Variants in SLC5A10 observed in about 807,000 individuals in gnomAD.
SLC5A10 encodes the protein sodium/mannose cotransporter SLC5A10.
Under a neutral mutation model 68.9 loss-of-function variants are expected in SLC5A10, and 55 were observed. The ratio of observed to expected loss-of-function variants is 0.80; its 90% CI spans 0.64 to 1.00. The LOEUF is 1.00. Among genes scored for constraint, SLC5A10 ranks in the 50% least tolerant of loss-of-function variants. The pLI is 0.00. For missense variants in SLC5A10, 732 were observed against 819.3 expected (o/e 0.89, Z 1.30); for synonymous variants, 344 against 344.8 (o/e 1.00, Z 0.02).
At chr17:19,016,338 C>T (rs747978003) in intron 11 of SLC5A10, among the ~76,000 whole-genome samples, 1 of 152,144 alleles carries the variant, frequency 6.6e-6, no homozygotes, top group South Asian at 2.1e-4. Flanking sequence ...GTGCCCAGCC[C>T]ATCCTATCAC....
intron 3 of SLC5A10, 68 bp downstream of exon 3, chr17:18,959,307 G>T: frequency 6.7e-7 from 1 of 1,496,936 alleles, no homozygotes. Flanking sequence ...GCACTGGAGG[G>T]GGACAGCTCC....
chr17:18,969,445 T>C, intron 7 of SLC5A10, 23 bp downstream of exon 7: 3 of 1,607,186 alleles, frequency 1.9e-6, no homozygotes, highest in Middle Eastern at 1.7e-4. Flanking sequence ...TCTGTGGCCA[T>C]GGCGGGGCTG....
chr17:18,979,223 C>A (rs561792681), intron 9 of SLC5A10: 1 of 470,554 alleles, frequency 2.1e-6, no homozygotes, highest in South Asian at 2.5e-5. Flanking sequence ...CCACCCCATG[C>A]CCCATGTGGT....
At chr17:18,999,102 A>AC (rs2043651524) in intron 9 of SLC5A10, among the ~76,000 whole-genome samples, 1 of 152,030 alleles carries the variant, frequency 6.6e-6, no homozygotes, top group Admixed American at 6.5e-5. Flanking sequence ...ATACGGTGAA[A>AC]CCCCGTTTCT....
At chr17:19,013,912 C>T (rs2044075603) in intron 10 of SLC5A10, among the ~76,000 whole-genome samples, 1 of 152,004 alleles carries the variant, frequency 6.6e-6, no homozygotes, top group Non-Finnish European at 1.5e-5. Flanking sequence ...GGAATAAGCT[C>T]CAAGTTCATC....
rs778883072 is a variant in SLC5A10, at chr17:19,003,931, G to A, written c.983-9479G>A. Reference sequence around the variant, plus strand: ...AGGCGTCCCGGCCGCGGGCCACCAGGGCCTCCAGCGCCAGCCGCTGCTCCT... The same window carrying A: ...AGGCGTCCCGGCCGCGGGCCACCAGAGCCTCCAGCGCCAGCCGCTGCTCCT... On this transcript the variant is annotated intron_variant, in intron 9 of 14. Coordinates refer to ENST00000395645, the MANE Select transcript of SLC5A10 (RefSeq NM_001042450.4). This position sits in a 1 kb window ranked among gnomAD's most constrained non-coding sequence, Gnocchi z 4.5. 2 of 1,612,928 alleles carry A rather than the reference G, an allele frequency of 1.2e-6. No individual in the cohort carries two copies. Among genetic ancestry groups the A allele is most frequent in the Non-Finnish European group, 1.7e-6 (2 of 1,179,932 alleles).
chr17:18,960,256 C>T (rs1223231375), intron 4 of SLC5A10, among the ~76,000 whole-genome samples: 2 of 152,192 alleles, frequency 1.3e-5, no homozygotes, highest in Non-Finnish European at 2.9e-5. Flanking sequence ...AAACTTGTCC[C>T]TCTGTCCCAG....
At chr17:18,955,840 T>A (rs1410532218) in intron 1 of SLC5A10, among the ~76,000 whole-genome samples, 1 of 152,200 alleles carries the variant, frequency 6.6e-6, no homozygotes, top group African/African-American at 2.4e-5. Flanking sequence ...GATGGGGAGA[T>A]CACGTGAGCC....
intron 1 of SLC5A10, among the ~76,000 whole-genome samples, chr17:18,954,634 G>A (rs1006654730): frequency 1.3e-5 from 2 of 152,234 alleles, no homozygotes; most frequent in Non-Finnish European, 2.9e-5. Flanking sequence ...TAGATGGTGG[G>A]CCTGGGAGAG....
rs1243622350 is a variant in SLC5A10 at position 19,017,322 on chromosome 17, G to A, written c.1242-2101G>A. On this transcript the variant is annotated intron_variant, in intron 11 of 14. Transcript: ENST00000395645. The surrounding 1 kb of genome is among the most constrained non-coding windows in gnomAD (Gnocchi z 5.6). ...TCAACACCCCCAGCCCCTCAAAGCC[G>A]TCTCAGCTTCCTCCTGCCCGAAACA... The A allele has an allele frequency of 7.7e-6, 12 of 1,551,946 alleles. No individual in the cohort carries two copies. Among genetic ancestry groups the A allele is most frequent in the South Asian group, 7.1e-5 (6 of 84,060 alleles).
At chr17:18,991,807 T>C (rs2043433517) in intron 9 of SLC5A10, among the ~76,000 whole-genome samples, 1 of 152,200 alleles carries the variant, frequency 6.6e-6, no homozygotes, top group Non-Finnish European at 1.5e-5. Flanking sequence ...GTGGTCCCTG[T>C]GCATCTTACT....
intron 1 of SLC5A10, among the ~76,000 whole-genome samples, chr17:18,957,538 G>A (rs935607580): frequency 5.3e-5 from 8 of 151,898 alleles, no homozygotes; most frequent in East Asian, 1.9e-4. Context: ...GCACGATCTC[G>A]GCTCACTGCA....
chr17:18,971,757 G>A lies in SLC5A10; in HGVS notation c.846+539G>A, dbSNP rs750114463. On this transcript the variant is annotated intron_variant, in intron 8 of 14. Transcript: ENST00000395645. This position sits in a 1 kb window ranked among gnomAD's most constrained non-coding sequence, Gnocchi z 5.5. ...TGATGAAACTGCTGGCCCTGGGAGAGAGAGAGCAGAGAGTGAGGCTGAGCA... is the reference window on the plus strand; with the variant it reads ...TGATGAAACTGCTGGCCCTGGGAGAAAGAGAGCAGAGAGTGAGGCTGAGCA... 1 of 1,548,342 alleles carries A rather than the reference G, an allele frequency of 6.5e-7. No homozygotes were observed. The highest frequency in any genetic ancestry group is 1.8e-4 in the Middle Eastern group (1 of 5,698).
chr17:18,983,449 G>A (rs569991762), intron 9 of SLC5A10, among the ~76,000 whole-genome samples: 1 of 152,366 alleles, frequency 6.6e-6, no homozygotes, highest in African/African-American at 2.4e-5. Flanking sequence ...TACTTCCCCT[G>A]CCCATAGTGG....
rs113671266 is a variant in SLC5A10 at position 18,971,614 on chromosome 17, A to C, written c.846+396A>C. 1 of 1,613,334 alleles carries C rather than the reference A, an allele frequency of 6.2e-7. No individual in the cohort carries two copies. The highest frequency in any genetic ancestry group is 1.3e-5 in the African/African-American group (1 of 74,890). On this transcript the variant is annotated intron_variant, in intron 8 of 14. Coordinates refer to ENST00000395645, the MANE Select transcript of SLC5A10 (RefSeq NM_001042450.4). This position sits in a 1 kb window ranked among gnomAD's most constrained non-coding sequence, Gnocchi z 5.5. The stretch of plus-strand genomic sequence containing the variant: ...CCTTGGCCTGCCAGTGGTGGGGGCC[A>C]GCCATGGCTGGGCCAGCGTTTCTGG...
At chr17:18,973,869 TG>T (rs2042913758) in intron 8 of SLC5A10, among the ~76,000 whole-genome samples, 2 of 147,390 alleles carry the variant, frequency 1.4e-5, no homozygotes, top group Admixed American at 7.0e-5. Flanking sequence ...GGCTAATTTT[TG>T]TATTTTTTTT....
chr17:18,973,841 G>A (rs2042912904), intron 8 of SLC5A10, among the ~76,000 whole-genome samples: 1 of 151,190 alleles, frequency 6.6e-6, no homozygotes, highest in African/African-American at 2.4e-5. Context: ...GGGACTACAG[G>A]CATGTGCCAC....
Position 18,968,166 on chromosome 17 carries a change from C to G in SLC5A10, c.454-886C>G, listed in dbSNP as rs1014056496. On this transcript the variant is annotated intron_variant, in intron 5 of 14. Coordinates refer to ENST00000395645, the MANE Select transcript of SLC5A10 (RefSeq NM_001042450.4). The surrounding 1 kb of genome is among the most constrained non-coding windows in gnomAD (Gnocchi z 4.1). ...GGGCCTGCACTTCCTGGGCCTCGTG[C>G]AGATGTGTCCCCACACTAGGAAGCA... 6.6e-6 allele frequency among the ~76,000 whole-genome samples: 1 copy of G among 152,206 alleles called. No homozygotes were observed. The highest frequency in any genetic ancestry group is 2.4e-5 in the African/African-American group (1 of 41,448).
At position 19,017,419 on chromosome 17, in the gene SLC5A10, T is replaced by C; in HGVS notation, c.1242-2004T>C. 1 of 1,541,418 alleles carries C rather than the reference T, an allele frequency of 6.5e-7. No individual in the cohort carries two copies. On this transcript the variant is annotated intron_variant, in intron 11 of 14. Coordinates refer to ENST00000395645, the MANE Select transcript of SLC5A10 (RefSeq NM_001042450.4). The surrounding 1 kb of genome is among the most constrained non-coding windows in gnomAD (Gnocchi z 5.6). ...GGTAGGGTGAATGGCCTGACAACAG[T>C]CTCTGTCAGGGAGAGGCGAGGCTTA...
Sources: allele counts gnomAD v4.1 joint callset (sites outside exome capture counted in the v4.1 genomes callset), GRCh38; gene constraint gnomAD v4.1.1; non-coding constraint Gnocchi (gnomAD v3.1); transcripts MANE v1.5; gene names NCBI Gene and HGNC (gene_info 2026-07-23, HGNC 2026-07-21).